The following JPH1 variants were observed in gnomAD, a reference collection of about 807,000 sequenced individuals.
JPH1 encodes the protein junctophilin 1.
A neutral mutation model predicts 53.6 loss-of-function variants in JPH1; 12 were observed. That is an observed-to-expected ratio of 0.22 (90% confidence interval 0.14 to 0.36). JPH1 has a LOEUF of 0.36. JPH1 is among the 10% of genes least tolerant of loss of function. The probability of loss-of-function intolerance (pLI) is 1.00; values close to 1 mark genes in which losing one functional copy is unlikely to be tolerated. For missense variants in JPH1, 808 were observed against 905.5 expected (o/e 0.89, Z 1.38); for synonymous variants, 375 against 363.8 (o/e 1.03, Z -0.35).
chr8:74,275,356 A>G (rs775168545), intron 2 of JPH1, among the ~76,000 whole-genome samples: 1 of 152,144 alleles, frequency 6.6e-6, no homozygotes, highest in African/African-American at 2.4e-5. Flanking sequence ...TACTGAATAT[A>G]ATTACGCTTT....
At chr8:74,274,910 T>C (rs933565433) in intron 2 of JPH1, among the ~76,000 whole-genome samples, 1 of 152,202 alleles carries the variant, frequency 6.6e-6, no homozygotes, top group Admixed American at 6.5e-5. Context: ...AATTATATGA[T>C]CATATTCACC....
intron 2 of JPH1, among the ~76,000 whole-genome samples, chr8:74,283,336 AAAC>A (rs1429184691): frequency 7.9e-5 from 12 of 152,270 alleles, no homozygotes; most frequent in Admixed American, 2.0e-4. Context: ...AAAATATAGA[AAAC>A]AACACTACAT....
intron 2 of JPH1, among the ~76,000 whole-genome samples, chr8:74,290,944 C>T: frequency 6.6e-6 from 1 of 152,180 alleles, no homozygotes; most frequent in East Asian, 1.9e-4. Context: ...AAAGCTGAAA[C>T]TGGATCCCGT....
At chr8:74,295,422 A>C (rs537086356) in intron 2 of JPH1, among the ~76,000 whole-genome samples, 360 of 152,304 alleles carry the variant, frequency 2.4e-3, no homozygotes, top group African/African-American at 8.2e-3. Flanking sequence ...GAGGACGAAC[A>C]CTGTCTTTTC....
intron 2 of JPH1, among the ~76,000 whole-genome samples, chr8:74,310,914 G>A (rs1807975774): frequency 6.6e-6 from 1 of 152,186 alleles, no homozygotes; most frequent in Admixed American, 6.5e-5. Context: ...GGACAGTGTT[G>A]TGATCTTGGG....
rs529373179 is a variant in JPH1, at chr8:74,252,313, C to T, written c.1258+7072G>A. Reference sequence around the variant, plus strand: ...AAAGCAATGGCAACAAAAGCTAAAACTGACAAATGGGATCTATTTAAACTA... The same window carrying T: ...AAAGCAATGGCAACAAAAGCTAAAATTGACAAATGGGATCTATTTAAACTA... On this transcript the variant is annotated intron_variant, in intron 3 of 5. Transcript: ENST00000342232. Among the ~76,000 whole-genome samples the T allele has an allele frequency of 8.8e-3, 1,333 of 152,238 alleles. 20 individuals carry two copies. Among genetic ancestry groups the T allele is most frequent in the South Asian group, 0.023 (113 of 4,828 alleles).
chr8:74,293,086 T>C (rs1807386479), intron 2 of JPH1, among the ~76,000 whole-genome samples: 2 of 152,182 alleles, frequency 1.3e-5, no homozygotes, highest in African/African-American at 4.8e-5. Context: ...TGCAAAGTAT[T>C]AGGAGAAAAT....
chr8:74,256,567 GA>G (rs367697107), intron 3 of JPH1, among the ~76,000 whole-genome samples: 2,769 of 147,682 alleles, frequency 0.019, 84 homozygotes, highest in African/African-American at 0.061. Context: ...AAATTTACAA[GA>G]AAAAAACAAC....
chr8:74,318,763 T>C (rs1167954441), intron 1 of JPH1, among the ~76,000 whole-genome samples: 1 of 152,140 alleles, frequency 6.6e-6, no homozygotes, highest in Non-Finnish European at 1.5e-5. Context: ...ACAAGCTAAC[T>C]CCTTAGTGAG....
rs1808326547 is a variant in JPH1 at position 74,321,498 on chromosome 8, CCTCCTT to C, written c.-217_-212del. 27 of 481,734 alleles carry C rather than the reference CCTCCTT, an allele frequency of 5.6e-5. No individual in the cohort carries two copies. Among genetic ancestry groups the C allele is most frequent in the South Asian group, 9.1e-5 (2 of 21,908 alleles). 29.8% of individuals were successfully genotyped at this position (481,734 alleles called of 1,614,324 possible). A position where few individuals can be genotyped will look rare whatever the true frequency, so the allele number is the denominator to read the frequency against. ...CCGCCGCCTTCCTCCTCCTCCTCCTCCTCCTTCGCCGCCGCCGCCTGGGCCAGCGCC... is the reference window on the plus strand; with the variant it reads ...CCGCCGCCTTCCTCCTCCTCCTCCTCCGCCGCCGCCGCCTGGGCCAGCGCC... On this transcript the variant is annotated 5_prime_UTR_variant, in exon 1 of 6. Coordinates refer to ENST00000342232, the MANE Select transcript of JPH1 (RefSeq NM_020647.4). The surrounding 1 kb of genome is among the most constrained non-coding windows in gnomAD (Gnocchi z 4.3).
chr8:74,267,476 G>T (rs1393344463), intron 2 of JPH1, among the ~76,000 whole-genome samples: 1 of 152,222 alleles, frequency 6.6e-6, no homozygotes, highest in Non-Finnish European at 1.5e-5. Context: ...GCAGCTGCAT[G>T]TTTCTCAGCC....
chr8:74,241,044 T>C (rs1316218355), intron 4 of JPH1, among the ~76,000 whole-genome samples: 2 of 152,194 alleles, frequency 1.3e-5, no homozygotes, highest in Non-Finnish European at 2.9e-5. Flanking sequence ...GAAAAATACA[T>C]ACATATATAT....
intron 2 of JPH1, among the ~76,000 whole-genome samples, chr8:74,297,703 A>G (rs1312168768): frequency 6.6e-6 from 1 of 152,224 alleles, no homozygotes; most frequent in Non-Finnish European, 1.5e-5. Context: ...CACACAACTA[A>G]TAAAAACTGG....
intron 4 of JPH1, among the ~76,000 whole-genome samples, 192 bp downstream of exon 4, chr8:74,244,337 T>C (rs562560961): frequency 6.6e-6 from 1 of 151,988 alleles, no homozygotes; most frequent in African/African-American, 2.4e-5. Context: ...ATAGGGGTGG[T>C]GGGGGGAATT....
chr8:74,269,388 T>C (rs917407494), intron 2 of JPH1, among the ~76,000 whole-genome samples: 7 of 152,250 alleles, frequency 4.6e-5, no homozygotes, highest in Admixed American at 2.0e-4. Context: ...ACTTGTTTTA[T>C]TCACTTCATG....
At chr8:74,274,994 T>A (rs531373055) in intron 2 of JPH1, among the ~76,000 whole-genome samples, 1 of 152,330 alleles carries the variant, frequency 6.6e-6, no homozygotes, top group East Asian at 1.9e-4. Flanking sequence ...TTATTTTGCC[T>A]GCCTGGGCTA....
chr8:74,299,072 C>T (rs951714324), intron 2 of JPH1, among the ~76,000 whole-genome samples: 4 of 152,082 alleles, frequency 2.6e-5, no homozygotes, highest in Non-Finnish European at 4.4e-5. Flanking sequence ...TTTTTTTCTC[C>T]TCGGGCTGTA....
chr8:74,304,241 C>G (rs1386755912), intron 2 of JPH1, among the ~76,000 whole-genome samples: 1 of 152,220 alleles, frequency 6.6e-6, no homozygotes, highest in Admixed American at 6.5e-5. Context: ...TTTACATTTC[C>G]ATTGTATGTA....
chr8:74,288,168 G>A (rs1430241019), intron 2 of JPH1, among the ~76,000 whole-genome samples: 3 of 152,196 alleles, frequency 2.0e-5, no homozygotes, highest in Non-Finnish European at 2.9e-5. Context: ...TGAATGCCAT[G>A]GAGAAGAGGG....
Sources: allele counts gnomAD v4.1 joint callset (sites outside exome capture counted in the v4.1 genomes callset), GRCh38; gene constraint gnomAD v4.1.1; non-coding constraint Gnocchi (gnomAD v3.1); transcripts MANE v1.5; gene names NCBI Gene and HGNC (gene_info 2026-07-23, HGNC 2026-07-21).